VPS13C: variants seen among roughly 807,000 people sequenced by gnomAD.
VPS13C encodes the protein vacuolar protein sorting 13 homolog C.
VPS13C carries 358 observed loss-of-function variants against 456.8 expected under a neutral mutation model. The observed-to-expected ratio is 0.78, with a 90% CI of 0.72 to 0.86. The LOEUF is 0.86. Among genes scored for constraint, VPS13C ranks in the 40% least tolerant of loss-of-function variants. The probability of loss-of-function intolerance (pLI) is 0.00; values close to 1 mark genes in which losing one functional copy is unlikely to be tolerated. For synonymous variants in VPS13C, 1,578 were observed against 1,486.7 expected (o/e 1.06, Z -1.41); for missense variants, 4,818 against 4,385.4 (o/e 1.10, Z -2.79).
At chr15:61,885,132 G>A (rs537026582) in intron 67 of VPS13C, among the ~76,000 whole-genome samples, 1 of 152,114 alleles carries the variant, frequency 6.6e-6, no homozygotes, top group African/African-American at 2.4e-5. Context: ...TTTGCTTCAT[G>A]TTTTAACCTT....
chr15:61,863,057 C>G (rs1365519094), intron 82 of VPS13C, among the ~76,000 whole-genome samples: 1 of 152,044 alleles, frequency 6.6e-6, no homozygotes, highest in Non-Finnish European at 1.5e-5. Flanking sequence ...AAGGGGTATG[C>G]TAATCACTCA....
chr15:62,025,384 T>G (rs971626662), intron 6 of VPS13C, among the ~76,000 whole-genome samples: 1 of 152,110 alleles, frequency 6.6e-6, no homozygotes, highest in African/African-American at 2.4e-5. Flanking sequence ...TTCTTGCCAC[T>G]GTGAAAGTCA....
At chr15:61,908,331 T>C (rs763595635) in intron 65 of VPS13C, among the ~76,000 whole-genome samples, 1 of 151,732 alleles carries the variant, frequency 6.6e-6, no homozygotes, top group South Asian at 2.1e-4. Flanking sequence ...TGTGTGTATA[T>C]ATGCATGAAT....
At chr15:61,944,946 A>G (rs1208105235) in intron 45 of VPS13C, among the ~76,000 whole-genome samples, 1 of 152,164 alleles carries the variant, frequency 6.6e-6, no homozygotes. Context: ...CCCCACCCAA[A>G]TCTCATCTCG....
rs942308548 is a variant in VPS13C at position 62,002,891 on chromosome 15, G to C, written c.1291-2265C>G. Among the ~76,000 whole-genome samples, 13 of 152,192 alleles carry C rather than the reference G, an allele frequency of 8.5e-5. No homozygotes were observed. In the South Asian group the frequency reaches 1.5e-3, roughly 17 times the overall value. On this transcript the variant is annotated intron_variant, in intron 15 of 84. Transcript: ENST00000644861. ...TCCATTGATCTATATCTCTATTTTGGTACCAGTACCATGCTGTTTTGGTTA... is the reference window on the plus strand; with the variant it reads ...TCCATTGATCTATATCTCTATTTTGCTACCAGTACCATGCTGTTTTGGTTA...
At chr15:61,860,642 A>G (rs1299358164) in intron 82 of VPS13C, among the ~76,000 whole-genome samples, 7 of 152,222 alleles carry the variant, frequency 4.6e-5, no homozygotes, top group Admixed American at 4.6e-4. Flanking sequence ...ATGTTGTCAA[A>G]GAATATTTAA....
intron 12 of VPS13C, 112 bp downstream of exon 12, chr15:62,011,995 A>G (rs2140512207): frequency 4.6e-6 from 3 of 657,808 alleles, no homozygotes; most frequent in East Asian, 3.2e-5. Flanking sequence ...ATAGTAAGGT[A>G]TAAAATTAAT....
chr15:61,961,165 G>A (rs369948476), intron 35 of VPS13C, among the ~76,000 whole-genome samples: 1 of 150,968 alleles, frequency 6.6e-6, no homozygotes, highest in East Asian at 2.0e-4. Context: ...AAAGCAGGTG[G>A]ATCACCTGAG....
chr15:61,954,651 C>G (rs1373584589), intron 37 of VPS13C, 97 bp from the exon 38 acceptor site: 1 of 1,260,166 alleles, frequency 7.9e-7, no homozygotes, highest in Non-Finnish European at 1.1e-6. Context: ...CTGGTAGAGG[C>G]AATGAAAATC....
chr15:61,882,471 G>T, intron 69 of VPS13C, 125 bp downstream of exon 69: 1 of 1,009,680 alleles, frequency 9.9e-7, no homozygotes, highest in South Asian at 4.1e-5. Flanking sequence ...GGAAAAAGGG[G>T]AAAAAACATA....
chr15:62,059,207 G>C (rs986685108), intron 1 of VPS13C, among the ~76,000 whole-genome samples: 2 of 151,872 alleles, frequency 1.3e-5, no homozygotes, highest in Admixed American at 1.3e-4. Context: ...TATTCAAAAC[G>C]ATGTTTTAAT....
chr15:61,869,528 C>T lies in VPS13C; in HGVS notation c.10720G>A (p.Ala3574Thr), dbSNP rs1392010774. The T allele has an allele frequency of 1.2e-6, 2 of 1,614,008 alleles. No homozygotes were observed. Among genetic ancestry groups the T allele is most frequent in the African/African-American group, 1.3e-5 (1 of 74,914 alleles). ...ARPTGGIVDM[A>T]SSTFQGIQRA... Reference sequence around the variant, plus strand: ...TGAATGCCTTGGAAGGTACTACTGGCCATATCTACGATTCCACCAGTTGGA... The same window carrying T: ...TGAATGCCTTGGAAGGTACTACTGGTCATATCTACGATTCCACCAGTTGGA... Residue 3574 changes from alanine to threonine, a missense_variant, in exon 80 of 85, where the codon GCC becomes ACC. Transcript: ENST00000644861.
intron 74 of VPS13C, among the ~76,000 whole-genome samples, chr15:61,878,226 C>T (rs920704989): frequency 2.0e-5 from 3 of 151,476 alleles, no homozygotes; most frequent in Non-Finnish European, 2.9e-5. Flanking sequence ...ACTACTTGTT[C>T]CAATACCATT....
chr15:61,949,364 A>G, intron 42 of VPS13C, 79 bp downstream of exon 42: 1 of 1,501,250 alleles, frequency 6.7e-7, no homozygotes, highest in Non-Finnish European at 9.1e-7. Context: ...CTAAATATTC[A>G]TCTTAACTGA....
chr15:61,972,683 G>C lies in VPS13C; in HGVS notation c.2699C>G (p.Ala900Gly). 1 of 1,613,458 alleles carries C rather than the reference G, an allele frequency of 6.2e-7. No homozygotes were observed. ...GAGCTCCTCATTTGGGACCTCTGCA[G>C]CTTTTTTAAGTTCTGATCCTTTCAT... ...KSMKGSELKK[A>G]AEVPNEELIN... Residue 900 changes from alanine (A) to glycine (G), a missense_variant, in exon 27 of 85, where the codon GCT (alanine) becomes GGT (glycine). Physicochemically the swap from Ala to Gly is moderately conservative, Grantham distance 60 (BLOSUM62 0). Around this residue, in one of 3 missense-constraint regions of VPS13C, gnomAD observed 4,552 missense variants for 4,130.6 expected, o/e 1.10. Coordinates refer to ENST00000644861, the MANE Select transcript of VPS13C (RefSeq NM_020821.3).
In VPS13C at chr15:61,969,373, G is replaced by C; in HGVS notation, c.2837C>G (p.Ala946Gly). 1 of 1,601,432 alleles carries C rather than the reference G, an allele frequency of 6.2e-7. No individual in the cohort carries two copies. Among genetic ancestry groups the C allele is most frequent in the Non-Finnish European group, 8.5e-7 (1 of 1,174,192 alleles). Residue 946 changes from alanine (A) to glycine (G), a missense_variant, in exon 28 of 85, where the codon GCC becomes GGC. Around this residue, in one of 3 missense-constraint regions of VPS13C, gnomAD observed 4,552 missense variants for 4,130.6 expected, o/e 1.10. Coordinates refer to ENST00000644861, the MANE Select transcript of VPS13C (RefSeq NM_020821.3). ...VFNVTQLGTE[A>G]TMRTFDLTVV... ...AGTTAAGTCAAATGTTCTCATTGTG[G>C]CCTCTGTTCCTAACTGAGTAACATT...
chr15:61,882,527 A>AAAAAAG, intron 69 of VPS13C, 69 bp downstream of exon 69: 1 of 1,383,306 alleles, frequency 7.2e-7, no homozygotes, highest in Middle Eastern at 2.6e-4. Context: ...ATATAGTTGT[A>AAAAAAG]AAAAAGAAAT....
At chr15:61,915,472 T>C (rs1402745840) in intron 61 of VPS13C, among the ~76,000 whole-genome samples, 161 bp downstream of exon 61, 1 of 152,158 alleles carries the variant, frequency 6.6e-6, no homozygotes, top group African/African-American at 2.4e-5. Flanking sequence ...ACCTATTAGT[T>C]CCTAACATCC....
At chr15:61,907,977 T>C (rs1011334952) in intron 65 of VPS13C, among the ~76,000 whole-genome samples, 2 of 152,072 alleles carry the variant, frequency 1.3e-5, no homozygotes, top group Non-Finnish European at 2.9e-5. Context: ...AACAAAAAAA[T>C]TATGTTCACA....
Sources: gnomAD v4.1 joint callset for allele counts (sites outside exome capture counted in the v4.1 genomes callset) on GRCh38, gnomAD v4.1.1 for gene constraint, gnomAD v4.1.1 regional missense constraint, MANE v1.5 for transcripts, NCBI Gene and HGNC (gene_info 2026-07-23, HGNC 2026-07-21) for gene names.